Variants in CBFA2T2 observed in about 807,000 individuals in gnomAD.
The protein encoded by CBFA2T2 is CBFA2/RUNX1 partner transcriptional co-repressor 2, also known as protein CBFA2T2.
In CBFA2T2, 11 loss-of-function variants were observed where a neutral mutation model predicts 62.2. That is an observed-to-expected ratio of 0.18 (90% CI 0.11 to 0.29). CBFA2T2 has a LOEUF of 0.29. Ranked by LOEUF, CBFA2T2 falls within the 10% of genes least tolerant of loss-of-function variation. The pLI, the probability that CBFA2T2 is intolerant of heterozygous loss-of-function variation, is 1.00. For synonymous variants in CBFA2T2, 295 were observed against 287.5 expected (o/e 1.03, Z -0.27); for missense variants, 592 against 774.1 (o/e 0.76, Z 2.79).
At chr20:33,623,404 T>C in intron 5 of CBFA2T2, 108 bp downstream of exon 5, 1 of 1,289,572 alleles carries the variant, frequency 7.8e-7, no homozygotes, top group Non-Finnish European at 1.1e-6. Context: ...TGTCTCAAAC[T>C]TTTTTTGAGA....
At chr20:33,579,360 A>C (rs1440287043) in intron 1 of CBFA2T2, among the ~76,000 whole-genome samples, 1 of 151,882 alleles carries the variant, frequency 6.6e-6, no homozygotes, top group Non-Finnish European at 1.5e-5. Context: ...AAGCCACTGC[A>C]CCCAGCCTGT....
chr20:33,524,163 A>G (rs2011817160), intron 1 of CBFA2T2, among the ~76,000 whole-genome samples: 1 of 152,054 alleles, frequency 6.6e-6, no homozygotes, highest in Non-Finnish European at 1.5e-5. Context: ...TAAAAGAATT[A>G]CCTTAACTCA....
At chr20:33,614,740 C>A (rs566848679) in intron 3 of CBFA2T2, among the ~76,000 whole-genome samples, 21 of 152,156 alleles carry the variant, frequency 1.4e-4, no homozygotes, top group Non-Finnish European at 1.5e-5. Context: ...GTCAGACTTT[C>A]CTACTTTTTA....
Position 33,552,360 on chromosome 20 carries a change from C to A in CBFA2T2, c.35-54596C>A, listed in dbSNP as rs563315024. Among the ~76,000 whole-genome samples the A allele has an allele frequency of 3.4e-4, 52 of 152,300 alleles. 1 individual carries two copies. The highest frequency in any genetic ancestry group is 7.1e-4 in the Non-Finnish European group (48 of 68,034). On this transcript the variant is annotated intron_variant, in intron 1 of 10. Transcript: ENST00000342704. The stretch of plus-strand genomic sequence containing the variant: ...CAAAGCTTCAGAGGACCTCAGGTGA[C>A]ACCTGGTCCTGTCTTCTGATTTTTG...
At chr20:33,610,455 A>C (rs928621069) in intron 2 of CBFA2T2, among the ~76,000 whole-genome samples, 1 of 152,234 alleles carries the variant, frequency 6.6e-6, no homozygotes, top group African/African-American at 2.4e-5. Flanking sequence ...AGTGTCCTGC[A>C]TGGAATCAGG....
intron 6 of CBFA2T2, among the ~76,000 whole-genome samples, chr20:33,626,418 A>AATT (rs909354337): frequency 5.3e-5 from 8 of 152,202 alleles, no homozygotes; most frequent in Admixed American, 4.6e-4. Context: ...TCAGAAGAGT[A>AATT]ATTTCTAAAT....
intron 1 of CBFA2T2, among the ~76,000 whole-genome samples, chr20:33,516,842 C>T (rs76182222): frequency 0.051 from 7,712 of 152,264 alleles, 515 homozygotes; most frequent in Admixed American, 0.16. Context: ...ATGGGAAGGA[C>T]ACAAAACTAT....
rs116764496 is a variant in CBFA2T2 at position 33,608,060 on chromosome 20, A to G, written c.178+961A>G. ...TGCTGGTTGGAGTGTAATTTAGTAC[A>G]TCTTTTGGAAATTGGCAGTTTGCAC... On this transcript the variant is annotated intron_variant, in intron 2 of 10. Transcript: ENST00000342704. Among the ~76,000 whole-genome samples the G allele has an allele frequency of 5.5e-3, 843 of 152,338 alleles. 7 individuals carry two copies. Among genetic ancestry groups the G allele is most frequent in the African/African-American group, 0.019 (810 of 41,578 alleles).
intron 6 of CBFA2T2, among the ~76,000 whole-genome samples, chr20:33,626,949 A>G (rs1264103995): frequency 6.6e-6 from 1 of 152,214 alleles, no homozygotes; most frequent in Non-Finnish European, 1.5e-5. Flanking sequence ...TGAAGGAGCT[A>G]TGGCCAAAAA....
chr20:33,534,749 A>G (rs1225695211), intron 1 of CBFA2T2, among the ~76,000 whole-genome samples: 2 of 113,488 alleles, frequency 1.8e-5, no homozygotes, highest in African/African-American at 6.5e-5. Context: ...GTATCTTTTT[A>G]GCTTTTTTTT....
intron 1 of CBFA2T2, among the ~76,000 whole-genome samples, chr20:33,508,058 A>G (rs1333710841): frequency 6.6e-6 from 1 of 151,976 alleles, no homozygotes; most frequent in Admixed American, 6.6e-5. Context: ...ATAGCAGGAG[A>G]TGAGAGTAGG....
At chr20:33,502,568 T>C (rs939606843) in intron 1 of CBFA2T2, among the ~76,000 whole-genome samples, 2 of 151,648 alleles carry the variant, frequency 1.3e-5, no homozygotes, top group Non-Finnish European at 2.9e-5. Context: ...CACACCCGGC[T>C]AATTTTTTGT....
At chr20:33,606,583 C>T (rs1568848393) in intron 1 of CBFA2T2, among the ~76,000 whole-genome samples, 1 of 152,134 alleles carries the variant, frequency 6.6e-6, no homozygotes, top group African/African-American at 2.4e-5. Context: ...ATGTGTCACT[C>T]TAGTCCCTGC....
intron 8 of CBFA2T2, among the ~76,000 whole-genome samples, chr20:33,632,471 C>G (rs976038278): frequency 5.8e-5 from 8 of 137,872 alleles, no homozygotes; most frequent in African/African-American, 2.1e-4. Flanking sequence ...TCACCAATGA[C>G]TTTTTTTTTT....
intron 5 of CBFA2T2, among the ~76,000 whole-genome samples, chr20:33,624,251 AAAAAG>A (rs1398251284): frequency 1.3e-4 from 19 of 150,768 alleles, no homozygotes; most frequent in African/African-American, 4.2e-4. Flanking sequence ...AAAAAAAAAA[AAAAAG>A]AAAATTTATT....
At chr20:33,638,928 A>G (rs562999070) in intron 9 of CBFA2T2, 2 of 152,272 alleles carry the variant, frequency 1.3e-5, no homozygotes, top group African/African-American at 2.4e-5. Flanking sequence ...AGTCTGCCCA[A>G]ATCTATGTCT....
intron 6 of CBFA2T2, among the ~76,000 whole-genome samples, chr20:33,626,850 C>T (rs900410296): frequency 7.2e-5 from 11 of 152,258 alleles, no homozygotes; most frequent in Middle Eastern, 3.4e-3. Context: ...TTTACTGAGT[C>T]GTAGCTACCA....
chr20:33,532,119 C>T (rs553687120), intron 1 of CBFA2T2, among the ~76,000 whole-genome samples: 68 of 152,292 alleles, frequency 4.5e-4, no homozygotes, highest in African/African-American at 1.6e-3. Context: ...TTCCAGACCT[C>T]TCTAGGCCTT....
At chr20:33,597,892 C>T (rs533144837) in intron 1 of CBFA2T2, among the ~76,000 whole-genome samples, 1 of 152,118 alleles carries the variant, frequency 6.6e-6, no homozygotes, top group Non-Finnish European at 1.5e-5. Flanking sequence ...CCTTTAGCAT[C>T]GGCCAGCTTG....
Sources: allele counts gnomAD v4.1 joint callset (sites outside exome capture counted in the v4.1 genomes callset), GRCh38; gene constraint gnomAD v4.1.1; transcripts MANE v1.5; gene names NCBI Gene and HGNC (gene_info 2026-07-23, HGNC 2026-07-21).